SORL1: variants seen among roughly 807,000 people sequenced by gnomAD.
The protein encoded by SORL1 is sortilin-related receptor.
SORL1 carries 127 observed loss-of-function variants against 273.7 expected under a neutral mutation model. That is an observed-to-expected ratio of 0.46 (90% CI 0.40 to 0.54). SORL1 has a LOEUF of 0.54. Ranked by LOEUF, SORL1 falls within the 20% of genes least tolerant of loss-of-function variation. The probability of loss-of-function intolerance (pLI) is 0.00; values close to 1 mark genes in which losing one functional copy is unlikely to be tolerated. For synonymous variants in SORL1, 1,031 were observed against 1,067.4 expected (o/e 0.97, Z 0.66); for missense variants, 2,494 against 2,846.1 (o/e 0.88, Z 2.81).
At chr11:121,567,141 C>A (rs540631666) in intron 22 of SORL1, 28 bp downstream of exon 22, 2 of 1,584,770 alleles carry the variant, frequency 1.3e-6, no homozygotes, top group East Asian at 2.3e-5. Flanking sequence ...TTTTGCCTGT[C>A]ATCCTCCTTC....
rs1302854722 is a variant in SORL1, at chr11:121,606,886, G to A, written c.4990G>A (p.Glu1664Lys). Residue 1664 changes from glutamate to lysine, a missense_variant, in exon 36 of 48, where the codon GAA becomes AAA. By Grantham distance (56) the Glu-to-Lys change is moderately conservative. Coordinates refer to ENST00000260197, the MANE Select transcript of SORL1 (RefSeq NM_003105.6). Reference protein sequence around the residue: ...PRNLQLSLPREAEGVIVGHWA... With the variant: ...PRNLQLSLPRKAEGVIVGHWA... The stretch of plus-strand genomic sequence containing the variant: ...AAATCTCCAGCTGTCACTCCCCAGG[G>A]AAGCAGAAGGTGTGATTGTAGGCCA... 6.2e-7 allele frequency: 1 copy of A among 1,614,196 alleles called. No individual in the cohort carries two copies. Among genetic ancestry groups the A allele is most frequent in the South Asian group, 1.1e-5 (1 of 91,090 alleles).
intron 31 of SORL1, among the ~76,000 whole-genome samples, chr11:121,591,489 T>G (rs1370396822): frequency 1.3e-5 from 2 of 152,126 alleles, no homozygotes; most frequent in Non-Finnish European, 1.5e-5. Flanking sequence ...AAGTACAAAT[T>G]GGAATTAATG....
At chr11:121,574,207 C>G in intron 23 of SORL1, 34 bp from the exon 24 acceptor site, 1 of 1,608,936 alleles carries the variant, frequency 6.2e-7, no homozygotes. Flanking sequence ...TCAATTGTAC[C>G]TAAGGAATAT....
intron 44 of SORL1, 127 bp from the exon 45 acceptor site, chr11:121,622,034 TG>T (rs1863730584): frequency 3.3e-6 from 2 of 609,624 alleles, no homozygotes; most frequent in South Asian, 4.0e-5. Context: ...CAGCAATCTA[TG>T]TGTTTTATTT....
intron 3 of SORL1, among the ~76,000 whole-genome samples, chr11:121,480,289 A>G (rs1457226350): frequency 2.0e-5 from 3 of 152,186 alleles, no homozygotes; most frequent in Admixed American, 6.5e-5. Context: ...TGATAAATAC[A>G]TATAATAGTA....
At position 121,625,101 on chromosome 11, in the gene SORL1, T is replaced by C; in HGVS notation, c.6188T>C (p.Met2063Thr). The C allele has an allele frequency of 1.9e-6, 3 of 1,612,026 alleles. No individual in the cohort carries two copies. The highest frequency in any genetic ancestry group is 2.2e-5 in the East Asian group (1 of 44,856). ...TGTTTTCAGGGCTATGAGATACACA[T>C]GTTTGATAGTGCCATGAATATCACA... Reference protein sequence around the residue: ...FNESRGYEIHMFDSAMNITAY... With the variant: ...FNESRGYEIHTFDSAMNITAY... Residue 2063 changes from methionine to threonine, a missense_variant, in exon 46 of 48, where the codon ATG becomes ACG. Physicochemically the swap from Met to Thr is moderately conservative, Grantham distance 81. Around this residue, in one of 3 missense-constraint regions of SORL1, gnomAD observed 1,609 missense variants for 1,816.4 expected, o/e 0.89. Transcript: ENST00000260197.
At chr11:121,506,909 A>G (rs1861795135) in intron 6 of SORL1, among the ~76,000 whole-genome samples, 1 of 152,072 alleles carries the variant, frequency 6.6e-6, no homozygotes, top group Admixed American at 6.5e-5. Context: ...TTTGTATTAA[A>G]TACAGATTTT....
chr11:121,560,254 T>C (rs1003836788), intron 21 of SORL1, among the ~76,000 whole-genome samples: 7 of 152,216 alleles, frequency 4.6e-5, no homozygotes, highest in African/African-American at 1.7e-4. Flanking sequence ...TCATATTTGT[T>C]GAAAGAATAA....
intron 26 of SORL1, 36 bp from the exon 27 acceptor site, chr11:121,586,186 C>T: frequency 6.5e-7 from 1 of 1,538,672 alleles, no homozygotes; most frequent in Non-Finnish European, 9.0e-7. Context: ...CTGTTTCCTC[C>T]TCGTCATTCT....
At chr11:121,556,031 G>T (rs1234174331) in intron 18 of SORL1, among the ~76,000 whole-genome samples, 4 of 152,204 alleles carry the variant, frequency 2.6e-5, no homozygotes, top group Non-Finnish European at 5.9e-5. Flanking sequence ...AGACTCGAGA[G>T]ATAGACCCAG....
intron 6 of SORL1, among the ~76,000 whole-genome samples, chr11:121,502,144 T>TC: frequency 8.9e-6 from 1 of 112,900 alleles, no homozygotes; most frequent in East Asian, 2.6e-4. Context: ...TTTTTTTTTT[T>TC]TTTTTTTTTG....
intron 40 of SORL1, 76 bp downstream of exon 40, chr11:121,612,908 G>C: frequency 9.6e-7 from 1 of 1,038,276 alleles, no homozygotes; most frequent in East Asian, 2.5e-5. Flanking sequence ...TGTAGAGCTT[G>C]ACTGGGGGTG....
chr11:121,500,019 A>G (rs1861688851), intron 6 of SORL1, among the ~76,000 whole-genome samples: 1 of 152,214 alleles, frequency 6.6e-6, no homozygotes, highest in Non-Finnish European at 1.5e-5. Context: ...CTCTGGCTTT[A>G]TAATGTGCTT....
intron 6 of SORL1, among the ~76,000 whole-genome samples, chr11:121,511,655 A>G (rs1017385164): frequency 6.6e-6 from 1 of 152,126 alleles, no homozygotes; most frequent in Non-Finnish European, 1.5e-5. Flanking sequence ...AGTCTTTCGT[A>G]CCTCTCTGCC....
chr11:121,549,401 C>CT (rs1211230252), intron 14 of SORL1, among the ~76,000 whole-genome samples: 3 of 151,530 alleles, frequency 2.0e-5, no homozygotes, highest in African/African-American at 4.8e-5. Flanking sequence ...TTTTTTTATT[C>CT]TTTTTTGTAG....
Position 121,577,303 on chromosome 11 carries a change from C to T in SORL1, c.3483C>T (p.Asp1161=), listed in dbSNP as rs748981649. Residue 1161 remains aspartate, a synonymous_variant, in exon 25 of 48, where the codon GAC becomes GAT. Transcript: ENST00000260197. ...CAGAAATGCACCAGTGCCGGAGTGACGAGTACAACTGCAGTTCCGGCATGT... is the reference window on the plus strand; with the variant it reads ...CAGAAATGCACCAGTGCCGGAGTGATGAGTACAACTGCAGTTCCGGCATGT... ...SHCEMHQCRS[D]EYNCSSGMCI... is the part of the protein sequence containing the mutation. The T allele has an allele frequency of 1.9e-5, 30 of 1,610,434 alleles. No individual in the cohort carries two copies. Among genetic ancestry groups the T allele is most frequent in the African/African-American group, 4.0e-5 (3 of 74,698 alleles).
Position 121,625,245 on chromosome 11 carries a change from C to G in SORL1, c.6332C>G (p.Pro2111Arg). 10 of 1,613,848 alleles carry G rather than the reference C, an allele frequency of 6.2e-6. No individual in the cohort carries two copies. The highest frequency in any genetic ancestry group is 7.6e-6 in the Non-Finnish European group (9 of 1,179,912). Residue 2111 changes from proline (P) to arginine (R), a missense_variant, in exon 46 of 48, where the codon CCT becomes CGT. Around this residue, in one of 3 missense-constraint regions of SORL1, gnomAD observed 1,609 missense variants for 1,816.4 expected, o/e 0.89. Coordinates refer to ENST00000260197, the MANE Select transcript of SORL1 (RefSeq NM_003105.6). ...CLFGNQICGE[P>R]AILLYDELGS... ...TTTGGCAACCAGATCTGTGGGGAGC[C>G]TGCCATCCTGCTGTACGATGAGCTG...
At chr11:121,560,655 CAG>C (rs898047185) in intron 21 of SORL1, among the ~76,000 whole-genome samples, 42 of 152,232 alleles carry the variant, frequency 2.8e-4, no homozygotes, top group African/African-American at 9.6e-4. Flanking sequence ...AGAAAATTGA[CAG>C]GGGAAATAAT....
chr11:121,542,182 C>T (rs546230369), intron 12 of SORL1, among the ~76,000 whole-genome samples: 7 of 152,308 alleles, frequency 4.6e-5, no homozygotes, highest in African/African-American at 1.7e-4. Context: ...TAAATAAGGG[C>T]ATTTTCCTAT....
Sources: gnomAD v4.1 joint callset for allele counts (sites outside exome capture counted in the v4.1 genomes callset) on GRCh38, gnomAD v4.1.1 for gene constraint, gnomAD v4.1.1 regional missense constraint, MANE v1.5 for transcripts, NCBI Gene and HGNC (gene_info 2026-07-23, HGNC 2026-07-21) for gene names.